C9: variants seen among roughly 807,000 people sequenced by gnomAD.
C9 encodes complement C9.
In C9, 63 loss-of-function variants were observed where a neutral mutation model predicts 65.4. That is an observed-to-expected ratio of 0.96 (90% CI 0.79 to 1.19). C9 has a LOEUF of 1.19. C9 is among the 50% of genes most tolerant of loss of function. The pLI is 0.00. For missense variants in C9, 744 were observed against 670.1 expected (o/e 1.11, Z -1.22); for synonymous variants, 229 against 227.9 (o/e 1.00, Z -0.04).
intron 4 of C9, among the ~76,000 whole-genome samples, chr5:39,337,166 T>C (rs531684979): frequency 6.6e-6 from 1 of 152,318 alleles, no homozygotes; most frequent in African/African-American, 2.4e-5. Context: ...GTATGGAAGT[T>C]GAGGATTTAC....
At chr5:39,295,402 A>G (rs1477286412) in intron 9 of C9, among the ~76,000 whole-genome samples, 1 of 151,832 alleles carries the variant, frequency 6.6e-6, no homozygotes, top group Non-Finnish European at 1.5e-5. Flanking sequence ...TAACATTTCT[A>G]TTAAAGAACA....
chr5:39,295,254 A>G (rs1401611866), intron 9 of C9, among the ~76,000 whole-genome samples: 1 of 151,940 alleles, frequency 6.6e-6, no homozygotes, highest in Non-Finnish European at 1.5e-5. Flanking sequence ...ATTGGAAAAG[A>G]GGAAGTTAAA....
intron 5 of C9, among the ~76,000 whole-genome samples, chr5:39,318,174 G>A (rs1028786175): frequency 9.2e-5 from 14 of 151,956 alleles, no homozygotes; most frequent in African/African-American, 2.9e-4. Flanking sequence ...ATATAGGAAT[G>A]GTAGCAATTT....
intron 5 of C9, among the ~76,000 whole-genome samples, chr5:39,316,805 C>T (rs1457911261): frequency 6.6e-6 from 1 of 152,276 alleles, no homozygotes; most frequent in South Asian, 2.1e-4. Context: ...CTGCAATGAA[C>T]ATATGCATGC....
intron 4 of C9, 48 bp downstream of exon 4, chr5:39,341,098 A>T: frequency 6.3e-7 from 1 of 1,595,436 alleles, no homozygotes; most frequent in South Asian, 1.1e-5. Context: ...AGAGATGGAG[A>T]TCATTTTCAC....
intron 5 of C9, among the ~76,000 whole-genome samples, chr5:39,327,653 C>A (rs920321576): frequency 1.3e-5 from 2 of 152,026 alleles, no homozygotes; most frequent in African/African-American, 4.8e-5. Flanking sequence ...CAATGGCAGA[C>A]AACTGGATAT....
At chr5:39,341,914 T>G (rs1223685267) in intron 2 of C9, among the ~76,000 whole-genome samples, 177 bp downstream of exon 2, 2 of 152,218 alleles carry the variant, frequency 1.3e-5, no homozygotes, top group Non-Finnish European at 2.9e-5. Context: ...CATTTAGTAT[T>G]CTGTACAACA....
intron 9 of C9, among the ~76,000 whole-genome samples, chr5:39,303,890 G>C (rs1029199839): frequency 6.6e-6 from 1 of 152,080 alleles, no homozygotes; most frequent in Non-Finnish European, 1.5e-5. Flanking sequence ...TGTTGAGACG[G>C]TGCTCTGTCC....
At chr5:39,341,728 A>G (rs1414379818) in intron 2 of C9, 28 bp from the exon 3 acceptor site, 1 of 1,611,536 alleles carries the variant, frequency 6.2e-7, no homozygotes, top group South Asian at 1.1e-5. Flanking sequence ...GAATGATTAG[A>G]ATTTCTAATG....
At position 39,353,460 on chromosome 5, in the gene C9, A is replaced by G. The variant is rs700217; in HGVS notation, c.77+10928T>C. 0.012 allele frequency among the ~76,000 whole-genome samples: 1,822 copies of G among 152,258 alleles called. 164 individuals carry two copies. The East Asian group carries it at 0.26, about 21-fold the overall frequency. ...CACTGAACATTAAAATTTCAAGACA[A>G]GCCACTTTTTCTCATGTCTTCAGGC... On this transcript the variant is annotated intron_variant, in intron 1 of 10. Transcript: ENST00000263408.
chr5:39,324,377 C>T (rs1181379821), intron 5 of C9, among the ~76,000 whole-genome samples: 2 of 152,040 alleles, frequency 1.3e-5, no homozygotes, highest in African/African-American at 4.8e-5. Flanking sequence ...GAAAAAAGAA[C>T]AATACTGGTG....
chr5:39,285,541 G>A (rs374757245), intron 10 of C9, among the ~76,000 whole-genome samples: 1 of 152,088 alleles, frequency 6.6e-6, no homozygotes, highest in Admixed American at 6.6e-5. Context: ...ATGCTAATTG[G>A]ACTGGGTTCA....
chr5:39,335,198 G>GT (rs1171173567), intron 4 of C9, among the ~76,000 whole-genome samples: 1 of 152,088 alleles, frequency 6.6e-6, no homozygotes, highest in Non-Finnish European at 1.5e-5. Flanking sequence ...TTTATTTTCA[G>GT]TGAACAATGA....
chr5:39,341,356 G>A (rs1754078066), intron 3 of C9, 63 bp from the exon 4 acceptor site: 10 of 1,580,294 alleles, frequency 6.3e-6, no homozygotes, highest in South Asian at 1.1e-5. Flanking sequence ...TCTTTCTGAA[G>A]TTATCAAATG....
chr5:39,306,986 C>A (rs1282653016), intron 8 of C9, among the ~76,000 whole-genome samples, 194 bp from the exon 9 acceptor site: 1 of 152,068 alleles, frequency 6.6e-6, no homozygotes, highest in Non-Finnish European at 1.5e-5. Flanking sequence ...ACATTAGTAA[C>A]CAGTTGTAGA....
intron 7 of C9, among the ~76,000 whole-genome samples, chr5:39,308,748 C>T (rs1753424660): frequency 6.6e-6 from 1 of 152,170 alleles, no homozygotes; most frequent in African/African-American, 2.4e-5. Context: ...TTAATCCTCA[C>T]ACTGGCCTTA....
intron 5 of C9, among the ~76,000 whole-genome samples, chr5:39,331,473 T>C (rs1227222342): frequency 6.6e-6 from 1 of 152,198 alleles, no homozygotes; most frequent in Non-Finnish European, 1.5e-5. Flanking sequence ...CACATCTTTA[T>C]CACTAGGTGC....
intron 4 of C9, among the ~76,000 whole-genome samples, chr5:39,338,588 T>A (rs1193576558): frequency 1.3e-5 from 2 of 152,256 alleles, no homozygotes; most frequent in Non-Finnish European, 2.9e-5. Flanking sequence ...TCATGAAGAC[T>A]AAATTTAACA....
intron 4 of C9, among the ~76,000 whole-genome samples, chr5:39,339,982 T>A (rs1244511888): frequency 6.6e-6 from 1 of 152,014 alleles, no homozygotes; most frequent in East Asian, 1.9e-4. Context: ...GGGGGAAAAA[T>A]TACCACTGAT....
Sources: allele counts gnomAD v4.1 joint callset (sites outside exome capture counted in the v4.1 genomes callset), GRCh38; gene constraint gnomAD v4.1.1; transcripts MANE v1.5; gene names NCBI Gene and HGNC (gene_info 2026-07-23, HGNC 2026-07-21).